The following MERTK variants were observed in gnomAD, a reference collection of about 807,000 sequenced individuals.
The protein encoded by MERTK is MER proto-oncogene, tyrosine kinase.
Under a neutral mutation model 99.3 loss-of-function variants are expected in MERTK, and 69 were observed. The ratio of observed to expected loss-of-function variants is 0.70; its 90% CI spans 0.57 to 0.85. The LOEUF is 0.85. Among genes scored for constraint, MERTK ranks in the 40% least tolerant of loss-of-function variants. The pLI, the probability that MERTK is intolerant of heterozygous loss-of-function variation, is 0.00. For missense variants in MERTK, 1,125 were observed against 1,249.4 expected, an observed-to-expected ratio of 0.90 and a Z score of 1.50; for synonymous variants, 426 against 467.6, an observed-to-expected ratio of 0.91 and a Z score of 1.15.
intron 6 of MERTK, among the ~76,000 whole-genome samples, chr2:111,974,522 C>T (rs896157807): frequency 6.6e-6 from 1 of 151,972 alleles, no homozygotes; most frequent in Non-Finnish European, 1.5e-5. Flanking sequence ...GTAATCCCAG[C>T]GCTTTGGAAG....
intron 8 of MERTK, among the ~76,000 whole-genome samples, chr2:111,989,186 C>T (rs1676557011): frequency 6.6e-6 from 1 of 152,040 alleles, no homozygotes; most frequent in African/African-American, 2.4e-5. Context: ...GAAGGAAGAA[C>T]AGGACGTGTT....
rs943971459 is a variant in MERTK at position 111,914,932 on chromosome 2, T to C, written c.62-14188T>C. ...TATATTAGGAAGTTCCACCCTCTCTTCTAATTTCTGAAGGAGATTATGTGG... is the reference window on the plus strand; with the variant it reads ...TATATTAGGAAGTTCCACCCTCTCTCCTAATTTCTGAAGGAGATTATGTGG... On this transcript the variant is annotated intron_variant, in intron 1 of 18. Transcript: ENST00000295408. 2.6e-5 allele frequency among the ~76,000 whole-genome samples: 4 copies of C among 152,356 alleles called. No homozygotes were observed. In the South Asian group the frequency reaches 8.3e-4, roughly 32 times the overall value.
Position 111,898,783 on chromosome 2 carries a change from G to T in MERTK, c.48G>T (p.Ala16=). Residue 16 remains alanine, a synonymous_variant, in exon 1 of 19, where the codon GCG becomes GCT. Transcript: ENST00000295408. ...LPLLLGLFLP[A]LWRRAITEAR... is the part of the protein sequence containing the mutation. ...TGCTGCTGGGCCTCTTCCTCCCCGC[G>T]CTCTGGCGTAGAGGTGAGTGCGCCC... 1.3e-6 allele frequency: 2 copies of T among 1,597,790 alleles called. No individual in the cohort carries two copies. The highest frequency in any genetic ancestry group is 1.7e-6 in the Non-Finnish European group (2 of 1,173,036).
chr2:111,916,477 A>G (rs918868358), intron 1 of MERTK, among the ~76,000 whole-genome samples: 46 of 150,958 alleles, frequency 3.0e-4, no homozygotes, highest in African/African-American at 1.1e-3. Context: ...TTCCCCTTTC[A>G]TTTTACTGTT....
At position 111,944,980 on chromosome 2, in the gene MERTK, C is replaced by G. The variant is rs748610825; in HGVS notation, c.503C>G (p.Ser168Ter). The G allele has an allele frequency of 1.9e-6, 3 of 1,613,550 alleles. No homozygotes were observed. The South Asian group carries it at 3.3e-5, about 18-fold the overall frequency. ...TGCAGCATAACCAGTGTGCAGCGTT[C>G]AGACAATGGGTCGTATATCTGTAAG... Reference protein sequence around the residue: ...ASFSITSVQRSDNGSYICKMK... With the variant: ...ASFSITSVQR The change falls in exon 3 of 19, where the codon TCA becomes TGA. Residue 168 changes from serine to a stop codon, truncating the protein, a stop_gained. Coordinates refer to ENST00000295408, the MANE Select transcript of MERTK (RefSeq NM_006343.3). LOFTEE classifies it high-confidence loss of function.
chr2:111,904,351 G>C (rs1684098115), intron 1 of MERTK, among the ~76,000 whole-genome samples: 1 of 150,738 alleles, frequency 6.6e-6, no homozygotes, highest in African/African-American at 2.4e-5. Context: ...TTGTTTTAGG[G>C]TTTTTGAGTG....
At chr2:111,947,663 A>T (rs1464708217) in intron 4 of MERTK, 96 bp downstream of exon 4, 4 of 1,419,322 alleles carry the variant, frequency 2.8e-6, no homozygotes, top group Non-Finnish European at 9.9e-7. Flanking sequence ...CAGGCAGTGG[A>T]GACAGATGAA....
At position 112,019,129 on chromosome 2, in the gene MERTK, C is replaced by T. The variant is rs74398825; in HGVS notation, c.2080-284C>T. On this transcript the variant is annotated intron_variant, in intron 15 of 18. Transcript: ENST00000295408. Reference sequence around the variant, plus strand: ...CTCTGAAGGATACACGGAAGGATCACGTTTGACCTCATACCTTCTAAAAAG... The same window carrying T: ...CTCTGAAGGATACACGGAAGGATCATGTTTGACCTCATACCTTCTAAAAAG... Among the ~76,000 whole-genome samples, 427 of 152,216 alleles carry T rather than the reference C, an allele frequency of 2.8e-3. 6 individuals are homozygous for T. The highest frequency in any genetic ancestry group is 9.9e-3 in the African/African-American group (413 of 41,530).
intron 4 of MERTK, among the ~76,000 whole-genome samples, chr2:111,948,982 G>A (rs567484019): frequency 3.3e-5 from 5 of 151,766 alleles, no homozygotes; most frequent in Non-Finnish European, 2.9e-5. Flanking sequence ...TGCTTGTTAG[G>A]CACGAGTCAC....
Position 111,975,397 on chromosome 2 carries a change from A to T in MERTK, c.1069A>T (p.Ile357Phe). 1 of 1,614,196 alleles carries T rather than the reference A, an allele frequency of 6.2e-7. No individual in the cohort carries two copies. Among genetic ancestry groups the T allele is most frequent in the Non-Finnish European group, 8.5e-7 (1 of 1,180,032 alleles). Residue 357 changes from isoleucine to phenylalanine, a missense_variant, in exon 7 of 19, where the codon ATT becomes TTT. Coordinates refer to ENST00000295408, the MANE Select transcript of MERTK (RefSeq NM_006343.3). ...GCTGCAAGCCCTGGCTAATTACAGC[A>T]TTGGTGTTTCCTGCATGAATGAAAT... Reference protein sequence around the residue: ...KQLQALANYSIGVSCMNEIGW... With the variant: ...KQLQALANYSFGVSCMNEIGW...
At chr2:111,942,121 G>A (rs1684876104) in intron 2 of MERTK, among the ~76,000 whole-genome samples, 1 of 152,184 alleles carries the variant, frequency 6.6e-6, no homozygotes, top group Non-Finnish European at 1.5e-5. Context: ...GTCTCCCTGA[G>A]TCCAGCTGCA....
intron 15 of MERTK, among the ~76,000 whole-genome samples, chr2:112,016,232 A>G (rs887529845): frequency 6.6e-6 from 1 of 152,240 alleles, no homozygotes. Context: ...TGAACAAAAT[A>G]ACAAGTAAGG....
intron 7 of MERTK, among the ~76,000 whole-genome samples, chr2:111,980,408 A>G (rs968849146): frequency 1.6e-5 from 2 of 124,600 alleles, no homozygotes; most frequent in African/African-American, 6.0e-5. Flanking sequence ...AGACGCAACT[A>G]TTTCTTTTTT....
intron 2 of MERTK, among the ~76,000 whole-genome samples, chr2:111,937,657 G>A (rs1449630096): frequency 6.6e-6 from 1 of 151,986 alleles, no homozygotes; most frequent in Admixed American, 6.6e-5. Context: ...TGCTGCTCTT[G>A]GTGGCAATGA....
Position 111,947,538 on chromosome 2 carries a change from A to G in MERTK, c.728A>G (p.Glu243Gly). The G allele has an allele frequency of 6.2e-7, 1 of 1,614,174 alleles. No individual in the cohort carries two copies. The highest frequency in any genetic ancestry group is 8.5e-7 in the Non-Finnish European group (1 of 1,180,028). Residue 243 changes from glutamate (E) to glycine (G), a missense_variant, in exon 4 of 19, where the codon GAA becomes GGA. Transcript: ENST00000295408. ...QNSSRVNEQP[E>G]KSPSVLTVPG... is the part of the protein sequence containing the mutation. ...AGTAGCCGTGTTAACGAACAGCCTG[A>G]AAAATCCCCCTCCGTGCTAACTGTT...
intron 4 of MERTK, among the ~76,000 whole-genome samples, chr2:111,950,708 A>G (rs895504508): frequency 2.0e-5 from 3 of 152,186 alleles, no homozygotes; most frequent in African/African-American, 7.2e-5. Context: ...GTGCTTATTA[A>G]TCAGTCATGT....
intron 1 of MERTK, among the ~76,000 whole-genome samples, chr2:111,918,985 C>T (rs1445553254): frequency 1.3e-5 from 2 of 152,162 alleles, no homozygotes; most frequent in Non-Finnish European, 2.9e-5. Context: ...GAATCAACCC[C>T]AGAGCCCCAA....
chr2:112,019,570 G>A lies in MERTK; in HGVS notation c.2189+48G>A, dbSNP rs777905248. 5.7e-6 allele frequency: 8 copies of A among 1,391,344 alleles called. No individual in the cohort carries two copies. The South Asian group carries it at 8.1e-5, about 14-fold the overall frequency. The allele number at this position is 1,391,344 out of a possible 1,614,324, so 86.2% of individuals were successfully genotyped here. On this transcript the variant is annotated intron_variant, in intron 16 of 18. Coordinates refer to ENST00000295408, the MANE Select transcript of MERTK (RefSeq NM_006343.3). Reference sequence around the variant, plus strand: ...GAAGGGTTTGGACCTCATGGTGTTTGGTCTTTGCAGGGTTAGTGAGAGGAC... The same window carrying A: ...GAAGGGTTTGGACCTCATGGTGTTTAGTCTTTGCAGGGTTAGTGAGAGGAC...
intron 13 of MERTK, among the ~76,000 whole-genome samples, chr2:112,006,639 T>C (rs555148490): frequency 5.9e-5 from 9 of 152,144 alleles, no homozygotes; most frequent in Non-Finnish European, 1.0e-4. Context: ...TTAGGGTAAA[T>C]TGCATAGGGA....
Sources: gnomAD v4.1 joint callset for allele counts (sites outside exome capture counted in the v4.1 genomes callset) on GRCh38, gnomAD v4.1.1 for gene constraint, MANE v1.5 for transcripts, NCBI Gene and HGNC (gene_info 2026-07-23, HGNC 2026-07-21) for gene names.